The following STIM1 variants were observed in gnomAD, a reference collection of about 807,000 sequenced individuals.
The protein encoded by STIM1 is stromal interaction molecule 1.
A neutral mutation model predicts 74.7 loss-of-function variants in STIM1; 25 were observed. The ratio of observed to expected loss-of-function variants is 0.33; its 90% confidence interval spans 0.24 to 0.47. The LOEUF is 0.47. STIM1 is among the 20% of genes least tolerant of loss of function. The pLI, the probability that STIM1 is intolerant of heterozygous loss-of-function variation, is 1.00. For synonymous variants in STIM1, 328 were observed against 348.8 expected (o/e 0.94, Z 0.66); for missense variants, 728 against 920.8 (o/e 0.79, Z 2.71).
At chr11:3,926,690 A>G (rs1463029254) in intron 1 of STIM1, among the ~76,000 whole-genome samples, 1 of 152,206 alleles carries the variant, frequency 6.6e-6, no homozygotes, top group Non-Finnish European at 1.5e-5. Flanking sequence ...ATCTGTTTTT[A>G]TCCTGTGTGG....
intron 1 of STIM1, chr11:3,892,943 T>C: frequency 9.4e-7 from 1 of 1,061,210 alleles, no homozygotes; most frequent in African/African-American, 1.6e-5. Flanking sequence ...TTTTATGTTT[T>C]ATTTTTAATA....
At chr11:4,053,885 G>C (rs1176907209) in intron 3 of STIM1, among the ~76,000 whole-genome samples, 1 of 152,152 alleles carries the variant, frequency 6.6e-6, no homozygotes, top group Non-Finnish European at 1.5e-5. Flanking sequence ...TGGAATTACA[G>C]GTGTGAGCTA....
At chr11:4,003,748 C>G (rs1305210905) in intron 2 of STIM1, among the ~76,000 whole-genome samples, 1 of 152,084 alleles carries the variant, frequency 6.6e-6, no homozygotes, top group Non-Finnish European at 1.5e-5. Context: ...GGCAACTAGG[C>G]AGAAGAAAGA....
In STIM1 at chr11:3,976,953, C is replaced by T; in HGVS notation, c.270+9271C>T. 2.0e-5 allele frequency among the ~76,000 whole-genome samples: 3 copies of T among 152,110 alleles called. 1 individual carries two copies. Among genetic ancestry groups the T allele is most frequent in the Non-Finnish European group, 4.4e-5 (3 of 68,028 alleles). On this transcript the variant is annotated intron_variant, in intron 2 of 12. Coordinates refer to ENST00000526596, the MANE Select transcript of STIM1 (RefSeq NM_001382567.1). Reference sequence around the variant, plus strand: ...GGAACTACAGGCGCGTAGTGCCACACCCAGCTAATTTTTGTATTTTTAGTA... The same window carrying T: ...GGAACTACAGGCGCGTAGTGCCACATCCAGCTAATTTTTGTATTTTTAGTA...
intron 1 of STIM1, among the ~76,000 whole-genome samples, chr11:3,948,407 T>A (rs1455242571): frequency 6.6e-6 from 1 of 152,218 alleles, no homozygotes; most frequent in Non-Finnish European, 1.5e-5. Flanking sequence ...GAGAACCTAA[T>A]ATTTATTAAG....
chr11:3,908,660 A>T (rs1321815257), intron 1 of STIM1, among the ~76,000 whole-genome samples: 3 of 152,092 alleles, frequency 2.0e-5, no homozygotes, highest in African/African-American at 4.8e-5. Flanking sequence ...GAAAGTTTAA[A>T]GCCTAGGTTT....
At position 3,898,572 on chromosome 11, in the gene STIM1, A is replaced by G. The variant is rs886338315; in HGVS notation, c.139+42163A>G. The stretch of plus-strand genomic sequence containing the variant: ...TTGTTGCCATTGCTTTTGGTGTTTT[A>G]GACATGAAGTCCTTGCCCATGCCTA... On this transcript the variant is annotated intron_variant, in intron 1 of 12. Coordinates refer to ENST00000526596, the MANE Select transcript of STIM1 (RefSeq NM_001382567.1). Among the ~76,000 whole-genome samples the G allele has an allele frequency of 3.4e-5, 5 of 145,558 alleles. No individual in the cohort carries two copies. The Admixed American group carries it at 3.5e-4, about 10-fold the overall frequency.
chr11:4,053,302 T>C (rs1489536449), intron 3 of STIM1, among the ~76,000 whole-genome samples: 2 of 152,188 alleles, frequency 1.3e-5, no homozygotes, highest in Admixed American at 6.5e-5. Flanking sequence ...TGCAGCACTA[T>C]TCAAAATAGC....
intron 1 of STIM1, among the ~76,000 whole-genome samples, chr11:3,870,613 C>T (rs764515476): frequency 7.9e-5 from 12 of 152,078 alleles, no homozygotes; most frequent in Admixed American, 1.3e-4. Context: ...CCTCCCATCT[C>T]GGCCCAACAA....
intron 1 of STIM1, among the ~76,000 whole-genome samples, chr11:3,929,284 T>A (rs1439649981): frequency 6.6e-6 from 1 of 152,240 alleles, no homozygotes; most frequent in Non-Finnish European, 1.5e-5. Flanking sequence ...TCTAGATTTG[T>A]GTGTTAAGGA....
chr11:4,006,024 A>G (rs1379477694), intron 2 of STIM1, among the ~76,000 whole-genome samples: 1 of 152,146 alleles, frequency 6.6e-6, no homozygotes, highest in Non-Finnish European at 1.5e-5. Context: ...TATGGGTTTG[A>G]TATGGCTTGG....
At chr11:3,955,312 A>T (rs898025499) in intron 1 of STIM1, among the ~76,000 whole-genome samples, 1 of 152,196 alleles carries the variant, frequency 6.6e-6, no homozygotes, top group Non-Finnish European at 1.5e-5. Flanking sequence ...TTACACAGGG[A>T]TGTATGTTTG....
At chr11:3,973,960 A>G (rs866999530) in intron 2 of STIM1, 12 of 618,042 alleles carry the variant, frequency 1.9e-5, no homozygotes, top group African/African-American at 3.8e-5. Context: ...TTAAGTGGGC[A>G]TGTGGTCTTT....
intron 1 of STIM1, among the ~76,000 whole-genome samples, chr11:3,937,936 CT>C (rs879661667): frequency 2.7e-3 from 374 of 138,620 alleles, no homozygotes; most frequent in Admixed American, 3.1e-3. Flanking sequence ...TAGAGAAATT[CT>C]TTTTTTTTTT....
At chr11:3,888,510 TGTATAG>T (rs1344402911) in intron 1 of STIM1, among the ~76,000 whole-genome samples, 1 of 152,116 alleles carries the variant, frequency 6.6e-6, no homozygotes, top group Non-Finnish European at 1.5e-5. Flanking sequence ...GTAGAGAGGC[TGTATAG>T]TTTGGAACAT....
intron 2 of STIM1, among the ~76,000 whole-genome samples, chr11:3,985,183 A>G (rs1336019202): frequency 6.6e-6 from 1 of 152,206 alleles, no homozygotes; most frequent in East Asian, 1.9e-4. Flanking sequence ...CTTTCTCACT[A>G]AGCAGGCTGT....
intron 1 of STIM1, among the ~76,000 whole-genome samples, chr11:3,895,979 A>G (rs2135409266): frequency 6.9e-6 from 1 of 145,918 alleles, no homozygotes; most frequent in South Asian, 2.1e-4. Context: ...ATCTCGGCTC[A>G]CTGCAAGCTC....
In STIM1 at chr11:4,033,645, G is replaced by T. The variant is rs370811488; in HGVS notation, c.385+9658G>T. Among the ~76,000 whole-genome samples the T allele has an allele frequency of 7.4e-4, 112 of 151,698 alleles. 3 individuals carry two copies. In the South Asian group the frequency reaches 0.023, roughly 31 times the overall value. ...GAGTCTCGCCCTGTCGCCTAGGCTG[G>T]AGTGCAGTGGCATGATCTTGGCTCA... On this transcript the variant is annotated intron_variant, in intron 3 of 12. Coordinates refer to ENST00000526596, the MANE Select transcript of STIM1 (RefSeq NM_001382567.1).
chr11:3,886,935 G>A lies in STIM1; in HGVS notation c.139+30526G>A, dbSNP rs370446858. Among the ~76,000 whole-genome samples the A allele has an allele frequency of 1.3e-4, 20 of 151,980 alleles. No homozygotes were observed. The South Asian group carries it at 1.7e-3, about 13-fold the overall frequency. On this transcript the variant is annotated intron_variant, in intron 1 of 12. Transcript: ENST00000526596. ...TAGAATCACTTTTCACTCAGGAGGC[G>A]GAGGTTGCAGTGAGCCGAGATCGCA...
Sources: gnomAD v4.1 joint callset for allele counts (sites outside exome capture counted in the v4.1 genomes callset) on GRCh38, gnomAD v4.1.1 for gene constraint, MANE v1.5 for transcripts, NCBI Gene and HGNC (gene_info 2026-07-23, HGNC 2026-07-21) for gene names.